Variants in JAM2 observed in about 807,000 individuals in gnomAD.
The protein encoded by JAM2 is junctional adhesion molecule B.
JAM2 carries 17 observed loss-of-function variants against 42.0 expected under a neutral mutation model. That is an observed-to-expected ratio of 0.40 (90% CI 0.28 to 0.61). The LOEUF is 0.61. Among genes scored for constraint, JAM2 ranks in the 20% least tolerant of loss-of-function variants. JAM2 has a pLI of 0.37. For synonymous variants in JAM2, 118 were observed against 128.6 expected, an observed-to-expected ratio of 0.92 and a Z score of 0.56; for missense variants, 319 against 358.3, an observed-to-expected ratio of 0.89 and a Z score of 0.89.
At chr21:25,656,042 AT>A (rs201084944) in intron 1 of JAM2, among the ~76,000 whole-genome samples, 6 of 148,636 alleles carry the variant, frequency 4.0e-5, no homozygotes, top group Non-Finnish European at 4.5e-5. Context: ...TAGGAGCTAC[AT>A]TTTTTTTTTA....
intron 1 of JAM2, among the ~76,000 whole-genome samples, chr21:25,683,279 CCA>C (rs2033678858): frequency 6.6e-6 from 1 of 152,104 alleles, no homozygotes; most frequent in Non-Finnish European, 1.5e-5. Context: ...GTGGTAGCCA[CCA>C]CAGTCAGTTA....
chr21:25,700,915 C>G (rs917802769), intron 5 of JAM2, among the ~76,000 whole-genome samples: 3 of 152,078 alleles, frequency 2.0e-5, no homozygotes, highest in Admixed American at 1.3e-4. Context: ...GCTATATTTA[C>G]TTTTCAAATT....
At chr21:25,692,734 C>A (rs2829868) in intron 3 of JAM2, among the ~76,000 whole-genome samples, 93,479 of 152,036 alleles carry the variant, frequency 0.61, 29,439 homozygotes, top group African/African-American at 0.76. Context: ...ATATTTGTTA[C>A]ATTAGAAAAA....
intron 2 of JAM2, among the ~76,000 whole-genome samples, chr21:25,689,253 C>T (rs2829867): frequency 0.38 from 57,857 of 151,768 alleles, 11,129 homozygotes; most frequent in South Asian, 0.52. Context: ...TATTAGGAGA[C>T]CATATTGGAT....
rs747317467 is a variant in JAM2 at position 25,669,371 on chromosome 21, CAAAAAAAAG to C, written c.68-14495_68-14487del. On this transcript the variant is annotated intron_variant, in intron 1 of 9. Transcript: ENST00000480456. ...TGGGCAACAGAGTGAAACCCTGTCT[CAAAAAAAAG>C]AAAAAAAAGAAAAAAAGAAAAAAAA... Among the ~76,000 whole-genome samples the C allele has an allele frequency of 2.5e-3, 331 of 132,286 alleles. 5 individuals are homozygous for C. The highest frequency in any genetic ancestry group is 0.019 in the Admixed American group (250 of 13,318). 86.8% of individuals were successfully genotyped at this position (132,286 alleles called of 152,430 possible). A position where few individuals can be genotyped will look rare whatever the true frequency, so the allele number is the denominator to read the frequency against.
chr21:25,698,588 T>G, intron 4 of JAM2, 89 bp from the exon 5 acceptor site: 1 of 1,106,872 alleles, frequency 9.0e-7, no homozygotes, highest in Non-Finnish European at 1.3e-6. Context: ...AAACCATTGA[T>G]TGTAGAGACA....
chr21:25,639,755 G>A lies in JAM2; in HGVS notation c.-67G>A. On this transcript the variant is annotated 5_prime_UTR_variant, in exon 1 of 10. Coordinates refer to ENST00000480456, the MANE Select transcript of JAM2 (RefSeq NM_021219.4). The stretch of plus-strand genomic sequence containing the variant: ...CCGCCCCAGAAGTTCAAGGGCCCCC[G>A]GCCTCCTGCGCTCCTGCCGCCGGGA... The A allele has an allele frequency of 1.8e-6, 2 of 1,088,592 alleles. No homozygotes were observed. The highest frequency in any genetic ancestry group is 1.6e-5 in the African/African-American group (1 of 62,716). The allele number at this position is 1,088,592 out of a possible 1,614,324, so 67.4% of individuals were successfully genotyped here. A position where few individuals can be genotyped will look rare whatever the true frequency, so the allele number is the denominator to read the frequency against.
chr21:25,690,085 G>GT, intron 3 of JAM2, 112 bp downstream of exon 3: 2 of 705,858 alleles, frequency 2.8e-6, no homozygotes, highest in Non-Finnish European at 5.0e-6. Context: ...ATGTGTTTTT[G>GT]TAAGTGTGAG....
chr21:25,658,606 C>A (rs759150004), intron 1 of JAM2, among the ~76,000 whole-genome samples: 5 of 152,002 alleles, frequency 3.3e-5, no homozygotes, highest in Admixed American at 1.3e-4. Flanking sequence ...GTCATGGAAG[C>A]TGGGGAGGAA....
In JAM2 at chr21:25,673,525, T is replaced by G. The variant is rs1266409461; in HGVS notation, c.68-10358T>G. Among the ~76,000 whole-genome samples, 5 of 152,344 alleles carry G rather than the reference T, an allele frequency of 3.3e-5. No individual in the cohort carries two copies. In the East Asian group the frequency reaches 9.6e-4, roughly 29 times the overall value. ...AACGTTTACTCATTAACACTGTCTC[T>G]GTTAAGATGGAAATTTGTAGTATAC... On this transcript the variant is annotated intron_variant, in intron 1 of 9. Coordinates refer to ENST00000480456, the MANE Select transcript of JAM2 (RefSeq NM_021219.4).
chr21:25,688,476 G>T (rs1018501562), intron 2 of JAM2, among the ~76,000 whole-genome samples: 2 of 152,308 alleles, frequency 1.3e-5, no homozygotes, highest in Non-Finnish European at 2.9e-5. Context: ...GACTCCGGAA[G>T]GTCACCACCC....
intron 4 of JAM2, among the ~76,000 whole-genome samples, chr21:25,697,757 T>C (rs1340098863): frequency 6.6e-6 from 1 of 152,024 alleles, no homozygotes; most frequent in Non-Finnish European, 1.5e-5. Flanking sequence ...TTTTAAAAAT[T>C]AGCTGGTCGT....
intron 1 of JAM2, among the ~76,000 whole-genome samples, chr21:25,682,234 A>G (rs2033650063): frequency 6.6e-6 from 1 of 152,246 alleles, no homozygotes; most frequent in Admixed American, 6.5e-5. Flanking sequence ...ATAGGAAAGT[A>G]TTTAAATTAT....
intron 1 of JAM2, among the ~76,000 whole-genome samples, chr21:25,651,496 T>C (rs561129809): frequency 1.3e-5 from 2 of 152,316 alleles, no homozygotes; most frequent in South Asian, 4.1e-4. Flanking sequence ...AGCTGTGAGA[T>C]GATACAACTG....
Position 25,717,257 on chromosome 21 carries a change from G to A in JAM2, c.*2585G>A. 1 of 158,082 alleles carries A rather than the reference G, an allele frequency of 6.3e-6. No individual in the cohort carries two copies. The highest frequency in any genetic ancestry group is 1.4e-5 in the Non-Finnish European group (1 of 72,122). The allele number at this position is 158,082 out of a possible 1,614,324, so 9.8% of individuals were successfully genotyped here. On this transcript the variant is annotated 3_prime_UTR_variant, in exon 10 of 10. Transcript: ENST00000480456. ...GTCACTGGTGTCCAGACTTGTATTTGCATTTGTGTTTACTTGAGGAACTTG... is the reference window on the plus strand; with the variant it reads ...GTCACTGGTGTCCAGACTTGTATTTACATTTGTGTTTACTTGAGGAACTTG...
At chr21:25,691,424 A>G (rs1398564968) in intron 3 of JAM2, among the ~76,000 whole-genome samples, 1 of 152,180 alleles carries the variant, frequency 6.6e-6, no homozygotes, top group Non-Finnish European at 1.5e-5. Flanking sequence ...AGATCTGGCC[A>G]TGTTCCAAGG....
intron 2 of JAM2, among the ~76,000 whole-genome samples, chr21:25,687,024 G>T (rs1433728852): frequency 6.6e-6 from 1 of 152,152 alleles, no homozygotes; most frequent in East Asian, 1.9e-4. Context: ...GCCTTAGGTT[G>T]AGAAAATATA....
chr21:25,693,717 T>G, intron 3 of JAM2, 39 bp from the exon 4 acceptor site: 1 of 1,558,036 alleles, frequency 6.4e-7, no homozygotes, highest in African/African-American at 1.4e-5. Context: ...GAAAGCTACT[T>G]GGATTATTAC....
intron 1 of JAM2, among the ~76,000 whole-genome samples, chr21:25,669,539 G>A (rs2033308189): frequency 6.6e-6 from 1 of 152,178 alleles, no homozygotes; most frequent in African/African-American, 2.4e-5. Context: ...TGAAGTGAGG[G>A]GAGAGGGATG....
Sources: gnomAD v4.1 joint callset for allele counts (sites outside exome capture counted in the v4.1 genomes callset) on GRCh38, gnomAD v4.1.1 for gene constraint, MANE v1.5 for transcripts, NCBI Gene and HGNC (gene_info 2026-07-23, HGNC 2026-07-21) for gene names.